The following TEAD3 variants were observed in gnomAD, a reference collection of about 807,000 sequenced individuals.
TEAD3 encodes TEA domain transcription factor 3, also known as transcriptional enhancer factor TEF-5.
TEAD3 carries 15 observed loss-of-function variants against 55.6 expected under a neutral mutation model. That is an observed-to-expected ratio of 0.27 (90% confidence interval 0.18 to 0.42). The LOEUF (loss-of-function observed/expected upper bound fraction) is 0.42. Among genes scored for constraint, TEAD3 ranks in the 10% least tolerant of loss-of-function variants. TEAD3 has a pLI of 1.00. For synonymous variants in TEAD3, 210 were observed against 232.2 expected (o/e 0.90, Z 0.87); for missense variants, 407 against 576.8 (o/e 0.71, Z 3.01).
rs1419536009 is a variant in TEAD3, at chr6:35,483,067, G to A, written c.267+1493C>T. Among the ~76,000 whole-genome samples the A allele has an allele frequency of 2.6e-5, 4 of 152,148 alleles. No homozygotes were observed. Among genetic ancestry groups the A allele is most frequent in the South Asian group, 4.1e-4 (2 of 4,832 alleles). On this transcript the variant is annotated intron_variant, in intron 3 of 12. Coordinates refer to ENST00000639578, the Ensembl canonical transcript of TEAD3. The surrounding 1 kb of genome is among the most constrained non-coding windows in gnomAD (Gnocchi z 4.5). ...GGTAGAACCAGTATTTGAACCCAAG[G>A]GCTCCAGGGGACAGGGCTCTGGCGC...
At chr6:35,487,395 T>TA (rs1470054149) in intron 1 of TEAD3, among the ~76,000 whole-genome samples, 3 of 151,856 alleles carry the variant, frequency 2.0e-5, no homozygotes, top group Admixed American at 6.5e-5. Flanking sequence ...CTACTAAAAA[T>TA]ACAAAAATTA....
rs768949712 is a variant in TEAD3, at chr6:35,476,332, G to A, written c.696C>T (p.Ala232=). 3.1e-6 allele frequency: 5 copies of A among 1,612,358 alleles called. No individual in the cohort carries two copies. In the Admixed American group the frequency reaches 6.7e-5, roughly 21 times the overall value. Reference sequence around the variant, plus strand: ...CAGGGTCTCGCTGCACCTCCATGAAGGCTGAATACTCCAGGAGCCGCAGCC... The same window carrying A: ...CAGGGTCTCGCTGCACCTCCATGAAAGCTGAATACTCCAGGAGCCGCAGCC... Residue 232 remains alanine, a synonymous_variant, in exon 9 of 13, where the codon GCC becomes GCT. Coordinates refer to ENST00000639578, the Ensembl canonical transcript of TEAD3.
exon 6 of TEAD3, chr6:35,478,542 C>T (rs1368552763): frequency 6.2e-7 from 1 of 1,600,952 alleles, no homozygotes; most frequent in Non-Finnish European, 8.5e-7. Flanking sequence ...ACGCCATGCT[C>T]TGAAGGGCTT....
At chr6:35,478,304 G>C in exon 7 of TEAD3, 1 of 1,613,836 alleles carries the variant, frequency 6.2e-7, no homozygotes, top group Non-Finnish European at 8.5e-7. Context: ...GCTGTCCCAG[G>C]AGAGGGGGGC....
downstream of TEAD3, chr6:35,474,246 G>A (rs1282544003): frequency 6.5e-6 from 1 of 152,712 alleles, no homozygotes; most frequent in Non-Finnish European, 1.5e-5. Flanking sequence ...GTGCTAATGG[G>A]GTCTAGTAGC....
At position 35,486,312 on chromosome 6, in the gene TEAD3, G is replaced by A. The variant is rs528334307; in HGVS notation, c.202+149C>T. On this transcript the variant is annotated intron_variant, in intron 2 of 12. Transcript: ENST00000639578. The surrounding 1 kb of genome is among the most constrained non-coding windows in gnomAD (Gnocchi z 7.3). Reference sequence around the variant, plus strand: ...GAGCCCGGCTTGTTTATGAGGAGGAGCGCGGAGGAGGATCCAGACACACAG... The same window carrying A: ...GAGCCCGGCTTGTTTATGAGGAGGAACGCGGAGGAGGATCCAGACACACAG... 18 of 949,298 alleles carry A rather than the reference G, an allele frequency of 1.9e-5. No individual in the cohort carries two copies. Among genetic ancestry groups the A allele is most frequent in the South Asian group, 1.0e-4 (6 of 58,222 alleles). The allele number at this position is 949,298 out of a possible 1,614,324, so 58.8% of individuals were successfully genotyped here.
chr6:35,489,590 G>A (rs1269667651), intron 1 of TEAD3, among the ~76,000 whole-genome samples: 1 of 152,224 alleles, frequency 6.6e-6, no homozygotes, highest in African/African-American at 2.4e-5. Flanking sequence ...TGGGCGGCCA[G>A]AAGGAGCTGT....
intron 7 of TEAD3, 91 bp from the exon 8 acceptor site, chr6:35,477,463 C>T: frequency 7.8e-7 from 1 of 1,275,492 alleles, no homozygotes. Flanking sequence ...AGGAGCAAGC[C>T]ACCCAGCCTT....
chr6:35,478,288 C>T, exon 7 of TEAD3: 1 of 1,613,746 alleles, frequency 6.2e-7, no homozygotes, highest in Non-Finnish European at 8.5e-7. Flanking sequence ...TGAGAGGGTC[C>T]AGGCTGCTGT....
At position 35,485,291 on chromosome 6, in the gene TEAD3, G is replaced by A. The variant is rs1768351014; in HGVS notation, c.203-667C>T. On this transcript the variant is annotated intron_variant, in intron 2 of 12. Coordinates refer to ENST00000639578, the Ensembl canonical transcript of TEAD3. This position sits in a 1 kb window ranked among gnomAD's most constrained non-coding sequence, Gnocchi z 4.3. Reference sequence around the variant, plus strand: ...CACCCCCATGTCACCAGTTCCCAGTGTCTCTCCACCCTGTGAGAGCCTTGT... The same window carrying A: ...CACCCCCATGTCACCAGTTCCCAGTATCTCTCCACCCTGTGAGAGCCTTGT... Among the ~76,000 whole-genome samples, 1 of 152,146 alleles carries A rather than the reference G, an allele frequency of 6.6e-6. No homozygotes were observed. The highest frequency in any genetic ancestry group is 2.1e-4 in the South Asian group (1 of 4,830).
rs1057391284 is a variant in TEAD3, at chr6:35,496,765, G to T, written c.-50+133C>A. On this transcript the variant is annotated intron_variant, in intron 1 of 12. Coordinates refer to ENST00000639578, the Ensembl canonical transcript of TEAD3. The surrounding 1 kb of genome is among the most constrained non-coding windows in gnomAD (Gnocchi z 4.8). ...TCTAAACTTCCCGGCACCCCGATCC[G>T]GGGCTCCAGCTCCGGCTGGACAATA... 1 of 152,238 alleles carries T rather than the reference G, an allele frequency of 6.6e-6. No individual in the cohort carries two copies. Among genetic ancestry groups the T allele is most frequent in the African/African-American group, 2.4e-5 (1 of 41,402 alleles). The allele number at this position is 152,238 out of a possible 1,614,324, so 9.4% of individuals were successfully genotyped here.
At chr6:35,489,987 G>A (rs1424059816) in intron 1 of TEAD3, among the ~76,000 whole-genome samples, 2 of 152,270 alleles carry the variant, frequency 1.3e-5, no homozygotes, top group East Asian at 1.9e-4. Flanking sequence ...GGGATGCAGG[G>A]CCTGTCCACA....
At chr6:35,490,396 G>A (rs991495403) in intron 1 of TEAD3, among the ~76,000 whole-genome samples, 2 of 152,134 alleles carry the variant, frequency 1.3e-5, no homozygotes, top group Admixed American at 6.5e-5. Flanking sequence ...TAGGACCACC[G>A]TCCCTCCCTT....
chr6:35,494,855 CT>C (rs773100472), intron 1 of TEAD3, among the ~76,000 whole-genome samples: 127 of 148,644 alleles, frequency 8.5e-4, no homozygotes, highest in African/African-American at 2.8e-3. Context: ...CCAAGCCCCC[CT>C]GTCCCTTGAC....
At position 35,484,477 on chromosome 6, in the gene TEAD3, G is replaced by A; in HGVS notation, c.267+83C>T. The A allele has an allele frequency of 2.2e-6, 3 of 1,372,710 alleles. No individual in the cohort carries two copies. In the Admixed American group the frequency reaches 5.9e-5, roughly 27 times the overall value. The allele number at this position is 1,372,710 out of a possible 1,614,324, so 85.0% of individuals were successfully genotyped here. A position where few individuals can be genotyped will look rare whatever the true frequency, so the allele number is the denominator to read the frequency against. On this transcript the variant is annotated intron_variant, in intron 3 of 12. Transcript: ENST00000639578. The surrounding 1 kb of genome is among the most constrained non-coding windows in gnomAD (Gnocchi z 5.8). ...AGGTCAGGGGCAGCCTCGAGGAGGTGGGCAGGGTAGGGGCAAGGGGTTGAC... is the reference window on the plus strand; with the variant it reads ...AGGTCAGGGGCAGCCTCGAGGAGGTAGGCAGGGTAGGGGCAAGGGGTTGAC...
At chr6:35,494,882 C>A (rs771524208) in intron 1 of TEAD3, among the ~76,000 whole-genome samples, 1 of 148,160 alleles carries the variant, frequency 6.7e-6, no homozygotes, top group Non-Finnish European at 1.5e-5. Context: ...CCCCCCGCCA[C>A]CTTTTCAGCC....
chr6:35,493,061 G>C (rs148858416), intron 1 of TEAD3, among the ~76,000 whole-genome samples: 17 of 152,264 alleles, frequency 1.1e-4, no homozygotes, highest in Non-Finnish European at 1.9e-4. Context: ...GAGAGTCACG[G>C]TGTCATCTAA....
chr6:35,495,852 C>A (rs1341702524), intron 1 of TEAD3, among the ~76,000 whole-genome samples: 2 of 152,222 alleles, frequency 1.3e-5, no homozygotes. Context: ...TTCTTCCGGA[C>A]AACAAGTCCA....
At chr6:35,481,309 T>A (rs1581724351) in intron 3 of TEAD3, among the ~76,000 whole-genome samples, 1 of 152,258 alleles carries the variant, frequency 6.6e-6, no homozygotes, top group African/African-American at 2.4e-5. Flanking sequence ...CAAATGTCAC[T>A]GTTTTCCCCA....
Sources: allele counts gnomAD v4.1 joint callset (sites outside exome capture counted in the v4.1 genomes callset), GRCh38; gene constraint gnomAD v4.1.1; non-coding constraint Gnocchi (gnomAD v3.1); transcripts MANE v1.5; gene names NCBI Gene and HGNC (gene_info 2026-07-23, HGNC 2026-07-21).